Variants in CBR4 observed in about 807,000 individuals in gnomAD.
CBR4 encodes the protein 3-oxoacyl-[acyl-carrier-protein] reductase.
Under a neutral mutation model 21.0 loss-of-function variants are expected in CBR4, and 22 were observed. The ratio of observed to expected loss-of-function variants is 1.05; its 90% confidence interval spans 0.75 to 1.50. CBR4 has a LOEUF of 1.50. CBR4 is among the 40% of genes most tolerant of loss of function. The probability of loss-of-function intolerance (pLI) is 0.00; values close to 1 mark genes in which losing one functional copy is unlikely to be tolerated. For synonymous variants in CBR4, 100 were observed against 104.4 expected (o/e 0.96, Z 0.26); for missense variants, 302 against 286.3 (o/e 1.05, Z -0.40).
At chr4:168,957,764 A>G (rs1400033643) in intron 2 of CBR4, among the ~76,000 whole-genome samples, 1 of 152,160 alleles carries the variant, frequency 6.6e-6, no homozygotes, top group African/African-American at 2.4e-5. Flanking sequence ...CCCAAATGTT[A>G]TCTTGAACTG....
intron 4 of CBR4, 184 bp downstream of exon 4, chr4:169,001,887 A>G (rs1475302363): frequency 2.3e-6 from 1 of 438,896 alleles, no homozygotes; most frequent in Non-Finnish European, 4.0e-6. Context: ...AGGCTAACAC[A>G]TAGACTTTAT....
intron 2 of CBR4, among the ~76,000 whole-genome samples, chr4:168,937,963 C>T (rs1763159160): frequency 6.6e-6 from 1 of 152,168 alleles, no homozygotes; most frequent in African/African-American, 2.4e-5. Context: ...CCAAGTAAAC[C>T]TAACAGACAT....
chr4:168,994,572 T>C (rs554872697), intron 4 of CBR4, among the ~76,000 whole-genome samples: 2 of 152,096 alleles, frequency 1.3e-5, no homozygotes, highest in African/African-American at 4.8e-5. Flanking sequence ...TTCTTTTCTG[T>C]TTTTTCTTTT....
chr4:168,957,399 A>G (rs1578935076), intron 2 of CBR4, among the ~76,000 whole-genome samples: 1 of 151,830 alleles, frequency 6.6e-6, no homozygotes, highest in Non-Finnish European at 1.5e-5. Flanking sequence ...TTTGTTCTCC[A>G]ATGCTGTGTG....
intron 2 of CBR4, among the ~76,000 whole-genome samples, chr4:168,970,699 C>T (rs1013499100): frequency 3.9e-5 from 6 of 151,994 alleles, no homozygotes; most frequent in African/African-American, 9.7e-5. Context: ...TTTGCTCCCA[C>T]TCATAAGTGA....
In CBR4 at chr4:168,953,679, C is replaced by T. The variant is rs111616370; in HGVS notation, n.169+48392G>A. 9.3e-4 allele frequency among the ~76,000 whole-genome samples: 142 copies of T among 152,084 alleles called. 1 individual carries two copies. The highest frequency in any genetic ancestry group is 3.3e-3 in the African/African-American group (137 of 41,484). ...GTTCAAGTGATCCTCCTGCCTCAGC[C>T]TCCCAAAGTGCTTGGATTATAGGAG... On this transcript the variant is annotated intron_variant and non_coding_transcript_variant, in intron 2 of 3. Coordinates refer to the CBR4 transcript ENST00000509108.
downstream of CBR4, among the ~76,000 whole-genome samples, chr4:168,985,535 T>G (rs144160633): frequency 2.1e-3 from 324 of 152,324 alleles, 1 homozygote; most frequent in Non-Finnish European, 4.1e-3. Flanking sequence ...ATCCCATTAC[T>G]GCATATATTC....
chr4:168,963,773 AAAC>A (rs1164957452), intron 2 of CBR4, among the ~76,000 whole-genome samples: 2 of 152,094 alleles, frequency 1.3e-5, no homozygotes, highest in Admixed American at 6.6e-5. Flanking sequence ...CCTCCTGTAT[AAAC>A]TATTAATAGC....
intron 3 of CBR4, among the ~76,000 whole-genome samples, chr4:169,002,560 A>C (rs377746721): frequency 1.3e-5 from 2 of 152,338 alleles, no homozygotes; most frequent in South Asian, 2.1e-4. Context: ...GGTAGAGGTT[A>C]AAGCCAGAAA....
At chr4:168,958,077 C>A (rs868136865) in intron 2 of CBR4, among the ~76,000 whole-genome samples, 1 of 152,100 alleles carries the variant, frequency 6.6e-6, no homozygotes, top group South Asian at 2.1e-4. Context: ...CCAGCCTGGC[C>A]AACATGGTGA....
In CBR4 at chr4:168,894,486, T is replaced by C; in HGVS notation, n.365+84A>G. 3 of 785,042 alleles carry C rather than the reference T, an allele frequency of 3.8e-6. No homozygotes were observed. The South Asian group carries it at 4.4e-5, about 11-fold the overall frequency. 48.6% of individuals were successfully genotyped at this position (785,042 alleles called of 1,614,324 possible). On this transcript the variant is annotated intron_variant and non_coding_transcript_variant, in intron 3 of 3. Coordinates refer to the CBR4 transcript ENST00000509108. ...GAGAGAGAACACTTACAGAAAATCA[T>C]GAAAGTGTGTTGTTTTTTACTCTTT... is the stretch of plus-strand genomic sequence containing the variant.
chr4:168,925,876 A>C (rs528166225), intron 2 of CBR4, among the ~76,000 whole-genome samples: 18 of 152,304 alleles, frequency 1.2e-4, no homozygotes, highest in African/African-American at 4.3e-4. Context: ...ATTATTTTAG[A>C]GAAAATATTT....
intron 2 of CBR4, among the ~76,000 whole-genome samples, chr4:168,904,587 A>C (rs1370455093): frequency 3.9e-5 from 6 of 152,146 alleles, no homozygotes; most frequent in Non-Finnish European, 8.8e-5. Context: ...AAAAATGAGT[A>C]AAAAGTTATT....
chr4:168,950,955 G>A (rs180901440), intron 2 of CBR4, among the ~76,000 whole-genome samples: 72 of 152,050 alleles, frequency 4.7e-4, no homozygotes, highest in East Asian at 2.9e-3. Flanking sequence ...TTTTTCCCCC[G>A]CTTTACTTTA....
intron 2 of CBR4, among the ~76,000 whole-genome samples, chr4:168,954,900 T>A (rs1267166344): frequency 6.6e-6 from 1 of 152,228 alleles, no homozygotes; most frequent in Non-Finnish European, 1.5e-5. Context: ...AAGAAAATGA[T>A]AAATTACTCA....
At chr4:168,942,461 C>A (rs1436280193) in intron 2 of CBR4, among the ~76,000 whole-genome samples, 1 of 151,186 alleles carries the variant, frequency 6.6e-6, no homozygotes, top group Non-Finnish European at 1.5e-5. Context: ...ACATTCAAAT[C>A]CTAATTGAAA....
intron 2 of CBR4, among the ~76,000 whole-genome samples, chr4:168,905,173 T>A (rs1757424715): frequency 8.8e-6 from 1 of 113,770 alleles, no homozygotes; most frequent in Non-Finnish European, 1.7e-5. Flanking sequence ...TTTTTTGAGA[T>A]GGAATCTCAC....
In CBR4 at chr4:168,989,910, T is replaced by C. The variant is rs186378485; in HGVS notation, c.*240A>G. On this transcript the variant is annotated 3_prime_UTR_variant, in exon 5 of 5. Transcript: ENST00000306193. ...AATGTGTGATTATATGGTATGTGAATTGTATCTCATGAAGGCTTTTTAAAC... is the reference window on the plus strand; with the variant it reads ...AATGTGTGATTATATGGTATGTGAACTGTATCTCATGAAGGCTTTTTAAAC... The C allele has an allele frequency of 3.8e-5, 44 of 1,154,976 alleles. No individual in the cohort carries two copies. The highest frequency in any genetic ancestry group is 4.2e-5 in the Non-Finnish European group (39 of 936,414). 71.5% of individuals were successfully genotyped at this position (1,154,976 alleles called of 1,614,324 possible).
intron 2 of CBR4, among the ~76,000 whole-genome samples, chr4:168,954,630 T>C (rs748999736): frequency 3.9e-5 from 6 of 152,208 alleles, no homozygotes; most frequent in Non-Finnish European, 8.8e-5. Context: ...AATTAAAACA[T>C]CTGCAAATAC....
Sources: allele counts gnomAD v4.1 joint callset (sites outside exome capture counted in the v4.1 genomes callset), GRCh38; gene constraint gnomAD v4.1.1; transcripts MANE v1.5; gene names NCBI Gene and HGNC (gene_info 2026-07-23, HGNC 2026-07-21).